Variants in SLC2A13 observed in about 807,000 individuals in gnomAD.
SLC2A13 encodes the protein proton myo-inositol cotransporter.
Under a neutral mutation model 64.4 loss-of-function variants are expected in SLC2A13, and 32 were observed. That is an observed-to-expected ratio of 0.50 (90% CI 0.37 to 0.67). The LOEUF (loss-of-function observed/expected upper bound fraction) is 0.67. Among genes scored for constraint, SLC2A13 ranks in the 30% least tolerant of loss-of-function variants. The pLI is 0.00. For synonymous variants in SLC2A13, 338 were observed against 327.1 expected (o/e 1.03, Z -0.36); for missense variants, 743 against 829.2 (o/e 0.90, Z 1.28).
chr12:39,760,393 C>T, intron 9 of SLC2A13, 141 bp from the exon 10 acceptor site: 1 of 653,352 alleles, frequency 1.5e-6, no homozygotes, highest in Non-Finnish European at 2.6e-6. Flanking sequence ...TTACTATGAA[C>T]CTGGTTTACT....
chr12:40,051,378 A>G (rs1948250980), intron 1 of SLC2A13, among the ~76,000 whole-genome samples: 1 of 152,204 alleles, frequency 6.6e-6, no homozygotes, highest in African/African-American at 2.4e-5. Flanking sequence ...CGCCTAAGTC[A>G]TGGAAGCAGC....
chr12:39,860,197 T>C (rs1011890322), intron 6 of SLC2A13, among the ~76,000 whole-genome samples: 3 of 152,190 alleles, frequency 2.0e-5, no homozygotes, highest in South Asian at 2.1e-4. Flanking sequence ...TGTGACTTAT[T>C]TGGACCTCAG....
intron 1 of SLC2A13, among the ~76,000 whole-genome samples, chr12:40,101,274 T>G (rs954293072): frequency 1.3e-5 from 2 of 152,118 alleles, no homozygotes; most frequent in African/African-American, 4.8e-5. Flanking sequence ...ACAGAACCCT[T>G]AAATCAAAAC....
intron 7 of SLC2A13, among the ~76,000 whole-genome samples, chr12:39,814,560 G>T (rs1245833294): frequency 6.6e-6 from 1 of 151,936 alleles, no homozygotes; most frequent in African/African-American, 2.4e-5. Context: ...AGAATGCTTT[G>T]GTAGAAAAAA....
At chr12:39,985,361 C>T (rs1435557369) in intron 3 of SLC2A13, among the ~76,000 whole-genome samples, 1 of 152,070 alleles carries the variant, frequency 6.6e-6, no homozygotes, top group East Asian at 1.9e-4. Flanking sequence ...TTCTCTGATG[C>T]AGATTACCTC....
chr12:40,015,748 C>T (rs1190025583), intron 3 of SLC2A13, among the ~76,000 whole-genome samples: 1 of 151,970 alleles, frequency 6.6e-6, no homozygotes, highest in African/African-American at 2.4e-5. Flanking sequence ...TTGCTGTTGT[C>T]CAGCAAAATA....
At chr12:40,073,204 TAAGC>T (rs1156744363) in intron 1 of SLC2A13, among the ~76,000 whole-genome samples, 49 of 134,312 alleles carry the variant, frequency 3.6e-4, no homozygotes, top group African/African-American at 1.2e-3. Context: ...CACATATAAA[TAAGC>T]ATAAACATAT....
rs1242317265 is a variant in SLC2A13 at position 40,017,042 on chromosome 12, TC to T, written c.925+11258del. 2.0e-5 allele frequency among the ~76,000 whole-genome samples: 3 copies of T among 151,970 alleles called. No homozygotes were observed. In the East Asian group the frequency reaches 5.8e-4, roughly 29 times the overall value. On this transcript the variant is annotated intron_variant, in intron 3 of 9. Transcript: ENST00000280871. Reference sequence around the variant, plus strand: ...ATGTCTTCTCCTCACCAACCACACCTCCCCAGGGTCTCATGATGACTAAGTA... The same window carrying T: ...ATGTCTTCTCCTCACCAACCACACCTCCCAGGGTCTCATGATGACTAAGTA...
chr12:39,770,162 T>C (rs1464245761), intron 7 of SLC2A13, among the ~76,000 whole-genome samples: 2 of 152,108 alleles, frequency 1.3e-5, no homozygotes, highest in African/African-American at 4.8e-5. Flanking sequence ...TTGGGACCTA[T>C]ACCCTCTCTC....
intron 7 of SLC2A13, among the ~76,000 whole-genome samples, chr12:39,806,703 T>C (rs1432956518): frequency 6.6e-6 from 1 of 152,218 alleles, no homozygotes; most frequent in Non-Finnish European, 1.5e-5. Context: ...ATCTTATTAT[T>C]TGAGAATTCT....
At chr12:39,882,375 A>G (rs1944360966) in intron 4 of SLC2A13, among the ~76,000 whole-genome samples, 1 of 152,064 alleles carries the variant, frequency 6.6e-6, no homozygotes, top group Non-Finnish European at 1.5e-5. Flanking sequence ...TGCTACCATC[A>G]CGTTCATCAT....
chr12:39,961,574 C>A (rs1946413899), intron 3 of SLC2A13, among the ~76,000 whole-genome samples: 1 of 152,184 alleles, frequency 6.6e-6, no homozygotes, highest in African/African-American at 2.4e-5. Context: ...TCATGGTTCA[C>A]CACAGCCTTA....
At chr12:40,033,481 T>G (rs1947934355) in intron 2 of SLC2A13, among the ~76,000 whole-genome samples, 1 of 152,230 alleles carries the variant, frequency 6.6e-6, no homozygotes, top group African/African-American at 2.4e-5. Context: ...TACCACCCAC[T>G]GGGCTGGGTA....
At chr12:40,080,186 G>A (rs930132840) in intron 1 of SLC2A13, among the ~76,000 whole-genome samples, 2 of 78,516 alleles carry the variant, frequency 2.5e-5, no homozygotes, top group Non-Finnish European at 4.9e-5. Context: ...GACCATTGAT[G>A]GCTTAAAGTC....
At chr12:40,016,329 A>T (rs1200624006) in intron 3 of SLC2A13, among the ~76,000 whole-genome samples, 1 of 152,308 alleles carries the variant, frequency 6.6e-6, no homozygotes, top group Admixed American at 6.5e-5. Flanking sequence ...ATGAACAGAA[A>T]CCCTGATAAG....
rs1020783649 is a variant in SLC2A13 at position 39,758,786 on chromosome 12, A to G, written c.*1240T>C. Reference sequence around the variant, plus strand: ...ATAAGAAAAACACAGAGACAAATCTATGTATCTTTTTTTTTTCTGGTAAAT... The same window carrying G: ...ATAAGAAAAACACAGAGACAAATCTGTGTATCTTTTTTTTTTCTGGTAAAT... On this transcript the variant is annotated 3_prime_UTR_variant, in exon 10 of 10. Transcript: ENST00000280871. 6.6e-6 allele frequency: 1 copy of G among 151,980 alleles called. No individual in the cohort carries two copies. Among genetic ancestry groups the G allele is most frequent in the Non-Finnish European group, 1.5e-5 (1 of 67,848 alleles). The allele number at this position is 151,980 out of a possible 1,614,324, so 9.4% of individuals were successfully genotyped here.
intron 4 of SLC2A13, among the ~76,000 whole-genome samples, chr12:39,878,494 G>C (rs1373191707): frequency 2.0e-5 from 3 of 152,202 alleles, no homozygotes; most frequent in Admixed American, 2.0e-4. Flanking sequence ...CCTTAGCAAA[G>C]AACTTGGCTG....
chr12:39,913,410 C>G (rs577569541), intron 4 of SLC2A13, among the ~76,000 whole-genome samples: 7 of 151,200 alleles, frequency 4.6e-5, no homozygotes, highest in Admixed American at 3.9e-4. Flanking sequence ...TGAATAAAAA[C>G]TAAAATAAGA....
intron 4 of SLC2A13, chr12:39,949,472 T>G (rs999698195): frequency 2.0e-5 from 3 of 152,212 alleles, no homozygotes; most frequent in African/African-American, 7.2e-5. Context: ...CACTTGATCT[T>G]CAGGAAAAAA....
Sources: allele counts gnomAD v4.1 joint callset (sites outside exome capture counted in the v4.1 genomes callset), GRCh38; gene constraint gnomAD v4.1.1; transcripts MANE v1.5; gene names NCBI Gene and HGNC (gene_info 2026-07-23, HGNC 2026-07-21).